The following WDR48 variants were observed in gnomAD, a reference collection of about 807,000 sequenced individuals.
The protein encoded by WDR48 is WD repeat-containing protein 48.
In WDR48, 22 loss-of-function variants were observed where a neutral mutation model predicts 94.0. The observed-to-expected ratio is 0.23, with a 90% CI of 0.17 to 0.33. WDR48 has a LOEUF of 0.33. Ranked by LOEUF, WDR48 falls within the 10% of genes least tolerant of loss-of-function variation. The pLI, the probability that WDR48 is intolerant of heterozygous loss-of-function variation, is 1.00. For synonymous variants in WDR48, 278 were observed against 280.5 expected (o/e 0.99, Z 0.09); for missense variants, 541 against 813.8 (o/e 0.66, Z 4.08).
intron 10 of WDR48, 90 bp from the exon 11 acceptor site, chr3:39,079,620 TC>T: frequency 1.1e-6 from 1 of 875,962 alleles, no homozygotes; most frequent in Non-Finnish European, 1.7e-6. Context: ...CAGTTTATGT[TC>T]CTGTTAGATA....
chr3:39,091,462 C>T (rs539441268), intron 16 of WDR48, 163 bp from the exon 17 acceptor site: 6 of 528,742 alleles, frequency 1.1e-5, no homozygotes, highest in East Asian at 7.2e-5. Flanking sequence ...TGAATTTTCT[C>T]GAAGGCTGAC....
intron 15 of WDR48, among the ~76,000 whole-genome samples, chr3:39,088,819 T>C (rs1327964622): frequency 6.6e-6 from 1 of 152,152 alleles, no homozygotes; most frequent in Admixed American, 6.5e-5. Flanking sequence ...TAAGACATGC[T>C]TGTCTTATTC....
At chr3:39,089,090 G>C (rs755946063) in intron 15 of WDR48, 141 bp from the exon 16 acceptor site, 16 of 688,146 alleles carry the variant, frequency 2.3e-5, no homozygotes, top group Admixed American at 5.9e-5. Flanking sequence ...ATTCTTCCAG[G>C]CTGTACTTTT....
intron 1 of WDR48, among the ~76,000 whole-genome samples, chr3:39,058,984 A>T (rs368892939): frequency 5.3e-5 from 8 of 149,760 alleles, no homozygotes; most frequent in Admixed American, 3.3e-4. Context: ...CTGAGTTGGG[A>T]GAATTGCTTG....
chr3:39,064,554 C>T (rs1478505509), intron 2 of WDR48, among the ~76,000 whole-genome samples: 3 of 152,092 alleles, frequency 2.0e-5, no homozygotes, highest in Admixed American at 6.5e-5. Flanking sequence ...GTATTACAGG[C>T]GTGAGCCACC....
At chr3:39,069,100 G>A (rs180996432) in intron 6 of WDR48, among the ~76,000 whole-genome samples, 4 of 152,146 alleles carry the variant, frequency 2.6e-5, no homozygotes, top group Admixed American at 2.6e-4. Context: ...GGGACCCCAG[G>A]CACACACCAT....
chr3:39,084,489 TA>T (rs2034705421), intron 12 of WDR48, among the ~76,000 whole-genome samples, 155 bp from the exon 13 acceptor site: 1 of 152,210 alleles, frequency 6.6e-6, no homozygotes, highest in African/African-American at 2.4e-5. Context: ...CCCAGGAAAC[TA>T]AATTGTGTTG....
chr3:39,071,288 T>C (rs1333062773), intron 7 of WDR48, among the ~76,000 whole-genome samples: 1 of 152,246 alleles, frequency 6.6e-6, no homozygotes, highest in Non-Finnish European at 1.5e-5. Context: ...AGCCAGGGCA[T>C]TTCCTAGAGC....
At chr3:39,064,868 G>A (rs2033506498) in intron 2 of WDR48, among the ~76,000 whole-genome samples, 1 of 152,208 alleles carries the variant, frequency 6.6e-6, no homozygotes, top group South Asian at 2.1e-4. Context: ...ACTATGTTTG[G>A]CTTTGAAATG....
chr3:39,068,737 C>A, intron 5 of WDR48, 34 bp from the exon 6 acceptor site: 1 of 1,525,086 alleles, frequency 6.6e-7, no homozygotes, highest in Non-Finnish European at 9.0e-7. Context: ...AGCTGATGAT[C>A]TTGTTAACAT....
intron 7 of WDR48, 25 bp downstream of exon 7, chr3:39,069,769 A>T (rs759804777): frequency 3.0e-5 from 48 of 1,586,442 alleles, no homozygotes; most frequent in Admixed American, 6.9e-5. Flanking sequence ...TTGGGTGTTT[A>T]CCTAATAACC....
At chr3:39,081,496 A>C (rs1456056128) in intron 11 of WDR48, among the ~76,000 whole-genome samples, 1 of 152,104 alleles carries the variant, frequency 6.6e-6, no homozygotes, top group Non-Finnish European at 1.5e-5. Flanking sequence ...TACAATAGAG[A>C]GATGCCTGTT....
intron 8 of WDR48, 78 bp downstream of exon 8, chr3:39,075,028 A>G: frequency 7.2e-7 from 1 of 1,397,130 alleles, no homozygotes; most frequent in Non-Finnish European, 9.8e-7. Flanking sequence ...AAGCTATATT[A>G]AAACATGACT....
chr3:39,065,556 CA>C (rs34404622), intron 2 of WDR48, among the ~76,000 whole-genome samples: 15,724 of 116,240 alleles, frequency 0.14, 811 homozygotes, highest in Admixed American at 0.19. Context: ...TTTAACAAGG[CA>C]AAAAAAAAAA....
chr3:39,058,936 G>T (rs1575390679), intron 1 of WDR48, among the ~76,000 whole-genome samples: 1 of 152,026 alleles, frequency 6.6e-6, no homozygotes, highest in South Asian at 2.1e-4. Flanking sequence ...TTAGCTGGGC[G>T]CCATAGCAGG....
chr3:39,074,669 G>C (rs2034119656), intron 7 of WDR48, 57 bp from the exon 8 acceptor site: 2 of 1,544,110 alleles, frequency 1.3e-6, no homozygotes, highest in Non-Finnish European at 1.8e-6. Flanking sequence ...CAAGTGCAAA[G>C]CACAAGAAAG....
Position 39,079,702 on chromosome 3 carries a change from T to TC in WDR48, c.1076-6dup. The TC allele has an allele frequency of 6.6e-7, 1 of 1,524,632 alleles. No homozygotes were observed. The highest frequency in any genetic ancestry group is 8.8e-7 in the Non-Finnish European group (1 of 1,139,204). The allele number at this position is 1,524,632 out of a possible 1,614,324, so 94.4% of individuals were successfully genotyped here. ...TTGTTTTACCAATTGTGTTTTTTTT[T>TC]CCCATTAGGGGGTGCTAGTATTATT... On this transcript the variant is annotated splice_polypyrimidine_tract_variant and intron_variant, in intron 10 of 18. Coordinates refer to ENST00000302313, the MANE Select transcript of WDR48 (RefSeq NM_020839.4).
chr3:39,083,539 C>T (rs576134073), intron 11 of WDR48, among the ~76,000 whole-genome samples: 1 of 152,232 alleles, frequency 6.6e-6, no homozygotes, highest in South Asian at 2.1e-4. Context: ...TCTGTCAAGG[C>T]TTCTCTTTGT....
chr3:39,068,040 A>G (rs145237731), intron 5 of WDR48, among the ~76,000 whole-genome samples: 1,771 of 152,182 alleles, frequency 0.012, 31 homozygotes, highest in African/African-American at 0.04. Flanking sequence ...CTTAGTGGAT[A>G]CAGATTCTGC....
Sources: gnomAD v4.1 joint callset for allele counts (sites outside exome capture counted in the v4.1 genomes callset) on GRCh38, gnomAD v4.1.1 for gene constraint, MANE v1.5 for transcripts, NCBI Gene and HGNC (gene_info 2026-07-23, HGNC 2026-07-21) for gene names.